Variants in PTPN4 observed in about 807,000 individuals in gnomAD.
The protein encoded by PTPN4 is tyrosine-protein phosphatase non-receptor type 4.
A neutral mutation model predicts 135.5 loss-of-function variants in PTPN4; 49 were observed. The ratio of observed to expected loss-of-function variants is 0.36; its 90% CI spans 0.29 to 0.46. The LOEUF (loss-of-function observed/expected upper bound fraction) is 0.46. PTPN4 is among the 20% of genes least tolerant of loss of function. The pLI is 1.00. For synonymous variants in PTPN4, 333 were observed against 369.9 expected (o/e 0.90, Z 1.14); for missense variants, 860 against 1,101.0 (o/e 0.78, Z 3.10).
intron 20 of PTPN4, among the ~76,000 whole-genome samples, chr2:119,956,620 T>G (rs953021248): frequency 1.3e-5 from 2 of 152,212 alleles, no homozygotes; most frequent in African/African-American, 2.4e-5. Flanking sequence ...TTCACTAGTT[T>G]TACCACTTTT....
intron 10 of PTPN4, among the ~76,000 whole-genome samples, chr2:119,907,066 A>G (rs559328166): frequency 6.6e-6 from 1 of 152,346 alleles, no homozygotes; most frequent in African/African-American, 2.4e-5. Context: ...AGTACCTACC[A>G]AATGTTACAC....
intron 2 of PTPN4, among the ~76,000 whole-genome samples, chr2:119,847,272 A>C (rs552269047): frequency 1.2e-5 from 1 of 85,318 alleles, no homozygotes; most frequent in East Asian, 2.4e-4. Context: ...GAGATACTCT[A>C]TATACACACA....
chr2:119,867,891 T>A (rs1184809682), intron 3 of PTPN4, among the ~76,000 whole-genome samples: 1 of 152,194 alleles, frequency 6.6e-6, no homozygotes, highest in Non-Finnish European at 1.5e-5. Flanking sequence ...TCCTTACAAG[T>A]CTTTATCCTT....
Position 119,984,578 on chromosome 2 carries a change from A to G in PTPN4, c.*7508A>G, listed in dbSNP as rs1169546743. ...TTTGGTCAACACTGCATAATTTGAA[A>G]TCACTCTGCATTTGTCACTGCAGCT... On this transcript the variant is annotated 3_prime_UTR_variant, in exon 27 of 27. Coordinates refer to ENST00000263708, the MANE Select transcript of PTPN4 (RefSeq NM_002830.4). Among the ~76,000 whole-genome samples the G allele has an allele frequency of 7.9e-5, 12 of 152,216 alleles. No homozygotes were observed. The South Asian group carries it at 1.9e-3, about 24-fold the overall frequency.
At chr2:119,864,451 C>T (rs944410705) in intron 3 of PTPN4, among the ~76,000 whole-genome samples, 2 of 152,030 alleles carry the variant, frequency 1.3e-5, no homozygotes, top group Non-Finnish European at 2.9e-5. Context: ...ATTAAGTATA[C>T]CTCGTGAAGA....
chr2:119,831,082 G>C (rs1361001622), intron 2 of PTPN4, among the ~76,000 whole-genome samples: 1 of 152,100 alleles, frequency 6.6e-6, no homozygotes, highest in African/African-American at 2.4e-5. Context: ...GCGTGGTTTG[G>C]GGATGAAACA....
chr2:119,775,651 T>C (rs1386624058), intron 1 of PTPN4, among the ~76,000 whole-genome samples: 3 of 152,282 alleles, frequency 2.0e-5, no homozygotes, highest in South Asian at 2.1e-4. Context: ...ATTACAGTAT[T>C]GAAGATGCCA....
chr2:119,796,596 T>A (rs1019051389), intron 1 of PTPN4, among the ~76,000 whole-genome samples: 1 of 152,222 alleles, frequency 6.6e-6, no homozygotes, highest in Admixed American at 6.5e-5. Context: ...TAATATCACA[T>A]ATGAATAAAC....
chr2:119,799,836 C>T (rs1180188962), intron 1 of PTPN4, among the ~76,000 whole-genome samples: 1 of 152,078 alleles, frequency 6.6e-6, no homozygotes, highest in East Asian at 1.9e-4. Context: ...GTTGATCATG[C>T]TTTTAATGTA....
At chr2:119,959,795 G>A (rs1679338945) in intron 22 of PTPN4, among the ~76,000 whole-genome samples, 1 of 152,096 alleles carries the variant, frequency 6.6e-6, no homozygotes, top group Non-Finnish European at 1.5e-5. Context: ...ATAGTCTTAG[G>A]TCAGTTCAGG....
At chr2:119,835,722 T>C (rs1677280714) in intron 2 of PTPN4, among the ~76,000 whole-genome samples, 1 of 152,160 alleles carries the variant, frequency 6.6e-6, no homozygotes, top group Non-Finnish European at 1.5e-5. Flanking sequence ...TTATGTTTTT[T>C]CTTATATGGA....
chr2:119,824,791 A>C (rs1457869928), intron 2 of PTPN4, among the ~76,000 whole-genome samples: 3 of 151,916 alleles, frequency 2.0e-5, no homozygotes, highest in Non-Finnish European at 2.9e-5. Flanking sequence ...AGGTTCAAGC[A>C]CTTCTCCTGC....
intron 10 of PTPN4, among the ~76,000 whole-genome samples, chr2:119,901,581 A>T (rs1354094468): frequency 2.6e-5 from 4 of 152,242 alleles, no homozygotes; most frequent in African/African-American, 9.6e-5. Flanking sequence ...TTAGCAAAAA[A>T]TTACAAGACG....
intron 20 of PTPN4, among the ~76,000 whole-genome samples, chr2:119,955,829 C>G (rs1048799850): frequency 3.3e-5 from 5 of 151,922 alleles, no homozygotes; most frequent in African/African-American, 1.2e-4. Context: ...CCCAGCTACT[C>G]AGGAGGCTGA....
rs1438370224 is a variant in PTPN4 at position 119,983,543 on chromosome 2, A to G, written c.*6473A>G. The G allele has an allele frequency of 2.0e-5, 3 of 152,192 alleles. No individual in the cohort carries two copies. Among genetic ancestry groups the G allele is most frequent in the Admixed American group, 2.0e-4 (3 of 15,268 alleles). The allele number at this position is 152,192 out of a possible 1,614,324, so 9.4% of individuals were successfully genotyped here. A position where few individuals can be genotyped will look rare whatever the true frequency, so the allele number is the denominator to read the frequency against. On this transcript the variant is annotated 3_prime_UTR_variant, in exon 27 of 27. Coordinates refer to ENST00000263708, the MANE Select transcript of PTPN4 (RefSeq NM_002830.4). ...CAAGATTAGGTCAAATTTCAATGCT[A>G]AATTTGATTTTTTGAATTTTAAATA...
chr2:119,860,197 G>C (rs1442681707), intron 2 of PTPN4, among the ~76,000 whole-genome samples: 1 of 152,200 alleles, frequency 6.6e-6, no homozygotes, highest in Non-Finnish European at 1.5e-5. Flanking sequence ...ATGAGAGACA[G>C]GTCAGGGAGG....
rs1208393090 is a variant in PTPN4 at position 119,955,207 on chromosome 2, T to G, written c.1864T>G (p.Tyr622Asp). ...EKLENEPDFQ[Y>D]IPEKAPLDSV... ...GCTAGAAAATGAGCCAGATTTCCAG[T>G]ATATTCCTGAGAAAGCCCCACTAGA... is the stretch of plus-strand genomic sequence containing the variant. The change falls in exon 20 of 27, where the codon TAT becomes GAT. Residue 622 changes from tyrosine (Y) to aspartate (D), a missense_variant. Around this residue, in one of 2 missense-constraint regions of PTPN4, gnomAD observed 684 missense variants for 807.0 expected, o/e 0.85. Transcript: ENST00000263708. 1 of 1,613,394 alleles carries G rather than the reference T, an allele frequency of 6.2e-7. No homozygotes were observed. The highest frequency in any genetic ancestry group is 1.3e-5 in the African/African-American group (1 of 74,934).
chr2:119,946,509 C>CTT lies in PTPN4; in HGVS notation c.1600-5_1600-4dup. 3 of 1,606,718 alleles carry CTT rather than the reference C, an allele frequency of 1.9e-6. No homozygotes were observed. Among genetic ancestry groups the CTT allele is most frequent in the Non-Finnish European group, 2.6e-6 (3 of 1,175,714 alleles). ...ATTTGACTAACATTTTACTTATTCT[C>CTT]TTTTTAAGGGAGGATATGATCAGAA... On this transcript the variant is annotated splice_polypyrimidine_tract_variant and intron_variant, in intron 17 of 26. Transcript: ENST00000263708.
At chr2:119,920,496 AC>A (rs1678720783) in intron 12 of PTPN4, among the ~76,000 whole-genome samples, 1 of 152,212 alleles carries the variant, frequency 6.6e-6, no homozygotes, top group African/African-American at 2.4e-5. Context: ...AACTACATTT[AC>A]TTATTTACAA....
Sources: gnomAD v4.1 joint callset for allele counts (sites outside exome capture counted in the v4.1 genomes callset) on GRCh38, gnomAD v4.1.1 for gene constraint, gnomAD v4.1.1 regional missense constraint, MANE v1.5 for transcripts, NCBI Gene and HGNC (gene_info 2026-07-23, HGNC 2026-07-21) for gene names.